Variants in DCC observed in about 807,000 individuals in gnomAD.
DCC encodes the protein DCC netrin 1 receptor, also known as netrin receptor DCC.
Under a neutral mutation model 172.5 loss-of-function variants are expected in DCC, and 58 were observed. The ratio of observed to expected loss-of-function variants is 0.34; its 90% CI spans 0.27 to 0.42. The LOEUF (loss-of-function observed/expected upper bound fraction) is 0.42, where lower values mean the gene tolerates loss of function less well. DCC is among the 10% of genes least tolerant of loss of function. DCC has a pLI of 1.00. For synonymous variants in DCC, 709 were observed against 644.5 expected, an observed-to-expected ratio of 1.10 and a Z score of -1.52; for missense variants, 1,740 against 1,791.0, an observed-to-expected ratio of 0.97 and a Z score of 0.51.
At chr18:53,522,661 G>A (rs9947875) in intron 27 of DCC, among the ~76,000 whole-genome samples, 20,108 of 151,920 alleles carry the variant, frequency 0.13, 1,560 homozygotes, top group Admixed American at 0.24. Context: ...AAAAAGCACC[G>A]GGGAAAGGAT....
chr18:52,773,966 T>C (rs1460150235), intron 2 of DCC, among the ~76,000 whole-genome samples: 1 of 152,188 alleles, frequency 6.6e-6, no homozygotes, highest in Non-Finnish European at 1.5e-5. Flanking sequence ...ATTTCCCCAA[T>C]AATAATTTCC....
rs546811619 is a variant in DCC, at chr18:52,681,127, T to C, written c.92-70927T>C. 1.1e-4 allele frequency among the ~76,000 whole-genome samples: 17 copies of C among 152,190 alleles called. 1 individual carries two copies. The highest frequency in any genetic ancestry group is 6.8e-3 in the Middle Eastern group (2 of 294). On this transcript the variant is annotated intron_variant, in intron 1 of 28. Transcript: ENST00000442544. Reference sequence around the variant, plus strand: ...TAATTCTACCACAACATGACTTTGATATGCTGTTAGTCCCATTTTACAGAG... The same window carrying C: ...TAATTCTACCACAACATGACTTTGACATGCTGTTAGTCCCATTTTACAGAG...
chr18:53,471,175 G>A (rs2045691802), intron 25 of DCC, among the ~76,000 whole-genome samples: 1 of 152,050 alleles, frequency 6.6e-6, no homozygotes, highest in Non-Finnish European at 1.5e-5. Context: ...CGTATTTTTT[G>A]TGGGTACATA....
At chr18:53,305,775 A>T (rs2144783528) in intron 13 of DCC, 56 bp downstream of exon 13, 1 of 1,555,422 alleles carries the variant, frequency 6.4e-7, no homozygotes, top group Admixed American at 1.7e-5. Flanking sequence ...ATGCTTTAGG[A>T]ATAAAATATA....
intron 7 of DCC, among the ~76,000 whole-genome samples, chr18:53,115,992 G>T (rs2043403755): frequency 1.3e-5 from 2 of 151,560 alleles, no homozygotes; most frequent in Admixed American, 1.3e-4. Context: ...TGTGGGGAAT[G>T]GTTCAAAGTA....
chr18:52,733,819 G>A (rs935165502), intron 1 of DCC, among the ~76,000 whole-genome samples: 11 of 152,052 alleles, frequency 7.2e-5, no homozygotes, highest in African/African-American at 2.4e-4. Context: ...TATCCACACC[G>A]AAAGAAGTTT....
At chr18:52,875,269 C>A (rs367876242) in intron 2 of DCC, among the ~76,000 whole-genome samples, 1 of 151,240 alleles carries the variant, frequency 6.6e-6, no homozygotes, top group South Asian at 2.1e-4. Context: ...GCTGTTATTT[C>A]TTGCCAGAAT....
intron 5 of DCC, among the ~76,000 whole-genome samples, chr18:52,991,113 G>T (rs2041382391): frequency 6.6e-6 from 1 of 152,102 alleles, no homozygotes; most frequent in Non-Finnish European, 1.5e-5. Flanking sequence ...CTCGATTGTG[G>T]ACCCATCTCA....
At chr18:52,497,293 A>ATATATATGTGTG (rs1555689775) in intron 1 of DCC, among the ~76,000 whole-genome samples, 1 of 29,948 alleles carries the variant, frequency 3.3e-5, no homozygotes, top group Non-Finnish European at 9.5e-5. Flanking sequence ...ATATATATAT[A>ATATATATGTGTG]TATATATATA....
At chr18:53,440,247 T>C (rs367966834) in intron 22 of DCC, among the ~76,000 whole-genome samples, 1 of 152,324 alleles carries the variant, frequency 6.6e-6, no homozygotes, top group East Asian at 1.9e-4. Flanking sequence ...AATTTCCTTT[T>C]TTCTATAGCT....
chr18:52,972,988 T>A (rs540135087), intron 5 of DCC, among the ~76,000 whole-genome samples: 5 of 152,254 alleles, frequency 3.3e-5, no homozygotes, highest in African/African-American at 1.2e-4. Flanking sequence ...CACAGAGAAA[T>A]GGGTTCATTG....
At chr18:52,802,963 A>G (rs993711384) in intron 2 of DCC, among the ~76,000 whole-genome samples, 1 of 152,036 alleles carries the variant, frequency 6.6e-6, no homozygotes, top group Non-Finnish European at 1.5e-5. Flanking sequence ...AGAAAACCAT[A>G]AGGAAGAGAA....
intron 5 of DCC, 74 bp downstream of exon 5, chr18:52,925,444 A>G (rs2040186480): frequency 1.4e-6 from 2 of 1,449,686 alleles, no homozygotes; most frequent in Admixed American, 1.7e-5. Context: ...AATGCTCATC[A>G]CTGAATTGAT....
At chr18:52,416,291 A>C (rs1987025255) in intron 1 of DCC, among the ~76,000 whole-genome samples, 3 of 151,912 alleles carry the variant, frequency 2.0e-5, no homozygotes, top group Non-Finnish European at 4.4e-5. Flanking sequence ...CTTTACTTCC[A>C]AGTATGTGGT....
intron 1 of DCC, among the ~76,000 whole-genome samples, chr18:52,644,342 G>T (rs1458080822): frequency 6.6e-6 from 1 of 152,162 alleles, no homozygotes; most frequent in South Asian, 2.1e-4. Context: ...ATTCTGGGAG[G>T]CCAAGGCGGG....
chr18:53,039,490 A>G (rs564496166), intron 5 of DCC, among the ~76,000 whole-genome samples: 126 of 152,012 alleles, frequency 8.3e-4, no homozygotes, highest in African/African-American at 2.9e-3. Context: ...GAATGTTAAA[A>G]GGATTGGAGA....
intron 13 of DCC, among the ~76,000 whole-genome samples, chr18:53,309,378 C>T (rs774768408): frequency 1.3e-5 from 2 of 152,060 alleles, no homozygotes; most frequent in Admixed American, 6.6e-5. Flanking sequence ...ATAGAGCCCA[C>T]TTGAAATCCA....
intron 2 of DCC, among the ~76,000 whole-genome samples, chr18:52,894,189 C>T (rs1196822504): frequency 2.6e-5 from 4 of 152,110 alleles, no homozygotes; most frequent in African/African-American, 4.8e-5. Context: ...CTGAGGATTA[C>T]GCTATCTTTG....
chr18:52,700,012 GT>G (rs1472423195), intron 1 of DCC, among the ~76,000 whole-genome samples: 2 of 150,230 alleles, frequency 1.3e-5, no homozygotes, highest in Non-Finnish European at 2.9e-5. Flanking sequence ...GTAGAGCAAT[GT>G]ATTCTTCACT....
Sources: gnomAD v4.1 joint callset for allele counts (sites outside exome capture counted in the v4.1 genomes callset) on GRCh38, gnomAD v4.1.1 for gene constraint, MANE v1.5 for transcripts, NCBI Gene and HGNC (gene_info 2026-07-23, HGNC 2026-07-21) for gene names.